KDM6A: variants seen among roughly 807,000 people sequenced by gnomAD.
The protein encoded by KDM6A is lysine-specific demethylase 6A.
In KDM6A, 11 loss-of-function variants were observed where a neutral mutation model predicts 117.6. The observed-to-expected ratio is 0.09, with a 90% CI of 0.06 to 0.15. KDM6A has a LOEUF of 0.15. KDM6A is among the 10% of genes least tolerant of loss of function. The probability of loss-of-function intolerance (pLI) is 1.00; values close to 1 mark genes in which losing one functional copy is unlikely to be tolerated. For synonymous variants in KDM6A, 384 were observed against 396.1 expected (o/e 0.97, Z 0.36); for missense variants, 799 against 1,077.3 (o/e 0.74, Z 3.62).
intron 18 of KDM6A, among the ~76,000 whole-genome samples, chrX:45,075,906 C>T (rs1466249774): frequency 9.0e-6 from 1 of 110,627 alleles, no homozygotes; most frequent in East Asian, 2.8e-4. Context: ...TGTAATAATT[C>T]GGTGGGGTAA....
chrX:45,110,398 C>T (rs2046722958), intron 29 of KDM6A, 149 bp downstream of exon 29: 1 of 496,483 alleles, frequency 2.0e-6, no homozygotes, highest in Non-Finnish European at 3.5e-6. Context: ...CATATCATTC[C>T]CCCCTCCATT....
intron 21 of KDM6A, 61 bp downstream of exon 21, chrX:45,079,412 T>C: frequency 3.5e-6 from 3 of 845,535 alleles, no homozygotes; most frequent in Non-Finnish European, 5.2e-6. Context: ...CTTTGGAGTT[T>C]TGAAAGGACA....
chrX:45,109,572 T>C (rs2046691108), intron 28 of KDM6A, among the ~76,000 whole-genome samples: 1 of 111,494 alleles, frequency 9.0e-6, no homozygotes, highest in Non-Finnish European at 1.9e-5. Context: ...TTGATTTTTT[T>C]TTTAAATGTC....
chrX:45,045,281 CTAGGTATCTCATAAA>C lies in KDM6A; in HGVS notation c.655-6427_655-6413del, dbSNP rs780883990. Among the ~76,000 whole-genome samples, 1,067 of 111,134 alleles carry C rather than the reference CTAGGTATCTCATAAA, an allele frequency of 9.6e-3. 6 individuals carry two copies. Among genetic ancestry groups the C allele is most frequent in the Non-Finnish European group, 0.017 (894 of 52,973 alleles). On this transcript the variant is annotated intron_variant, in intron 8 of 29. Transcript: ENST00000611820. ...TTTCTGTCTCTGTGAGTTGACCACT[CTAGGTATCTCATAAA>C]AGTGGAATCTGCCAGGCGTGGTGGC...
chrX:44,997,561 G>A (rs1225134358), intron 4 of KDM6A, among the ~76,000 whole-genome samples: 2 of 111,721 alleles, frequency 1.8e-5, no homozygotes, highest in African/African-American at 3.3e-5. Context: ...GGTTGGGGGC[G>A]TGGCAGGTAG....
At chrX:44,921,818 T>C (rs1419140292) in intron 2 of KDM6A, among the ~76,000 whole-genome samples, 1 of 108,544 alleles carries the variant, frequency 9.2e-6, no homozygotes, top group African/African-American at 3.3e-5. Flanking sequence ...GGAATGAAGG[T>C]TAACCCAGAA....
intron 9 of KDM6A, 33 bp downstream of exon 9, chrX:45,051,835 G>A: frequency 1.2e-6 from 1 of 820,085 alleles, no homozygotes; most frequent in Non-Finnish European, 1.8e-6. Context: ...TGTATTATAA[G>A]TGCTTCTCTT....
intron 2 of KDM6A, among the ~76,000 whole-genome samples, chrX:44,914,660 A>G (rs1186813104): frequency 9.0e-6 from 1 of 111,000 alleles, no homozygotes; most frequent in Admixed American, 9.7e-5. Context: ...GAGACTGTGG[A>G]TAGGCTAAAC....
At chrX:45,093,416 T>A (rs1490696803) in intron 27 of KDM6A, among the ~76,000 whole-genome samples, 1 of 105,937 alleles carries the variant, frequency 9.4e-6, no homozygotes, top group Non-Finnish European at 1.9e-5. Context: ...AAAAAACGGA[T>A]CTAATTGCTG....
intron 2 of KDM6A, among the ~76,000 whole-genome samples, chrX:44,876,072 T>C (rs755563265): frequency 2.4e-4 from 27 of 111,544 alleles, no homozygotes; most frequent in Non-Finnish European, 4.1e-4. Flanking sequence ...CTTCATGATA[T>C]ATGGGGTAAT....
Position 44,873,927 on chromosome X carries a change from C to T in KDM6A, c.165C>T (p.Arg55=). Residue 55 remains arginine, a synonymous_variant, in exon 2 of 30, where the codon CGC becomes CGT. Coordinates refer to ENST00000611820, the MANE Select transcript of KDM6A (RefSeq NM_001291415.2). Reference sequence around the variant, plus strand: ...TAAACTGTGTCTGTCTCCACAGCCGCCTCTTTGGGTTCGTGAGATTTCATG... The same window carrying T: ...TAAACTGTGTCTGTCTCCACAGCCGTCTCTTTGGGTTCGTGAGATTTCATG... The part of the protein sequence containing the change: ...EREALGGLDS[R]LFGFVRFHED... 1 of 1,210,995 alleles carries T rather than the reference C, an allele frequency of 8.3e-7. No individual in the cohort carries two copies. Among genetic ancestry groups the T allele is most frequent in the African/African-American group, 1.7e-5 (1 of 57,884 alleles).
At chrX:44,881,978 ATGCCTGGCTGAG>A (rs1263878245) in intron 2 of KDM6A, among the ~76,000 whole-genome samples, 2 of 111,230 alleles carry the variant, frequency 1.8e-5, no homozygotes, top group Non-Finnish European at 3.8e-5. Context: ...GTGAGCCACC[ATGCCTGGCTGAG>A]TATTTTGCCT....
chrX:45,038,042 C>T (rs1404512632), intron 8 of KDM6A, among the ~76,000 whole-genome samples: 4 of 111,217 alleles, frequency 3.6e-5, no homozygotes, highest in East Asian at 5.6e-4. Context: ...GCCAACATGA[C>T]GAAACCCCAT....
chrX:44,901,159 T>A (rs757728371), intron 2 of KDM6A, among the ~76,000 whole-genome samples: 1 of 110,900 alleles, frequency 9.0e-6, no homozygotes, highest in East Asian at 2.8e-4. Context: ...GGCGGGCAGA[T>A]CACTTGAGGG....
intron 4 of KDM6A, among the ~76,000 whole-genome samples, chrX:44,995,113 G>A (rs1014390907): frequency 6.3e-5 from 7 of 111,141 alleles, no homozygotes; most frequent in Non-Finnish European, 9.4e-5. Context: ...TTAGTTTTTC[G>A]AGGAAATTCC....
At chrX:44,975,596 AATTCACATGCTATAAAATTATAGCTTT>A (rs1453959897) in intron 4 of KDM6A, among the ~76,000 whole-genome samples, 15 of 111,881 alleles carry the variant, frequency 1.3e-4, no homozygotes, top group Admixed American at 5.7e-4. Context: ...ATTATAGCTT[AATTCACATGCTATAAAATTATAGCTTT>A]ATTCACATGC....
In KDM6A at chrX:45,017,251, CAT is replaced by C. The variant is rs201185894; in HGVS notation, c.444-3358_444-3357del. ...TTTATGGTTTCTGGTAGCTATTTCT[CAT>C]GTTCTAAAATTCCATCAGTCAGAAT... On this transcript the variant is annotated intron_variant, in intron 5 of 29. Coordinates refer to ENST00000611820, the MANE Select transcript of KDM6A (RefSeq NM_001291415.2). Among the ~76,000 whole-genome samples the C allele has an allele frequency of 7.9e-3, 888 of 111,880 alleles. 12 individuals carry two copies. Among genetic ancestry groups the C allele is most frequent in the African/African-American group, 0.028 (856 of 30,776 alleles).
intron 1 of KDM6A, 106 bp downstream of exon 1, chrX:44,873,818 G>T: frequency 8.8e-7 from 1 of 1,141,421 alleles, no homozygotes; most frequent in Non-Finnish European, 1.2e-6. Context: ...CGGGCACCTC[G>T]GTTTGGCGCT....
intron 2 of KDM6A, among the ~76,000 whole-genome samples, chrX:44,912,395 T>TA (rs2035265933): frequency 8.9e-6 from 1 of 112,014 alleles, no homozygotes; most frequent in African/African-American, 3.3e-5. Flanking sequence ...GGCCTTTTCA[T>TA]AAACTTTTAA....
Sources: gnomAD v4.1 joint callset for allele counts (sites outside exome capture counted in the v4.1 genomes callset) on GRCh38, gnomAD v4.1.1 for gene constraint, MANE v1.5 for transcripts, NCBI Gene and HGNC (gene_info 2026-07-23, HGNC 2026-07-21) for gene names.